Variants in ITSN1 observed in about 807,000 individuals in gnomAD.
ITSN1 encodes the protein intersectin 1, also known as intersectin-1.
A neutral mutation model predicts 239.8 loss-of-function variants in ITSN1; 58 were observed. That is an observed-to-expected ratio of 0.24 (90% CI 0.20 to 0.30). The LOEUF (loss-of-function observed/expected upper bound fraction) is 0.30, where lower values mean the gene tolerates loss of function less well. Among genes scored for constraint, ITSN1 ranks in the 10% least tolerant of loss-of-function variants. ITSN1 has a pLI of 1.00. For synonymous variants in ITSN1, 780 were observed against 770.8 expected, an observed-to-expected ratio of 1.01 and a Z score of -0.20; for missense variants, 1,558 against 2,103.3, an observed-to-expected ratio of 0.74 and a Z score of 5.07.
intron 16 of ITSN1, among the ~76,000 whole-genome samples, chr21:33,783,765 A>C (rs2070398493): frequency 6.6e-6 from 1 of 151,314 alleles, no homozygotes. Flanking sequence ...ATAAACTGTT[A>C]AATATTAAGC....
intron 1 of ITSN1, among the ~76,000 whole-genome samples, chr21:33,696,288 T>G (rs542925430): frequency 6.6e-6 from 1 of 152,318 alleles, no homozygotes; most frequent in Admixed American, 6.5e-5. Flanking sequence ...TATCAATATG[T>G]ACCTGTGCAG....
At chr21:33,705,348 T>C (rs543252206) in intron 1 of ITSN1, among the ~76,000 whole-genome samples, 3 of 152,320 alleles carry the variant, frequency 2.0e-5, no homozygotes, top group Non-Finnish European at 2.9e-5. Context: ...ATATTTAATA[T>C]GCTAGTGCTC....
chr21:33,792,993 C>T (rs557787384), intron 16 of ITSN1, among the ~76,000 whole-genome samples: 20 of 152,144 alleles, frequency 1.3e-4, no homozygotes, highest in African/African-American at 4.6e-4. Flanking sequence ...CCCCCCAGAC[C>T]CCTATCTCCA....
At chr21:33,713,018 C>T (rs559230226) in intron 1 of ITSN1, among the ~76,000 whole-genome samples, 8 of 152,062 alleles carry the variant, frequency 5.3e-5, no homozygotes, top group Admixed American at 3.3e-4. Flanking sequence ...GCTGGGATTA[C>T]GAGTGCCCAC....
Position 33,758,090 on chromosome 21 carries a change from C to T in ITSN1, c.724+2693C>T, listed in dbSNP as rs529805040. ...TCTTTAGAGGTGGGATCTTTGTTGTCCAGGCTGGTTTTGAACTCCTGACCT... is the reference window on the plus strand; with the variant it reads ...TCTTTAGAGGTGGGATCTTTGTTGTTCAGGCTGGTTTTGAACTCCTGACCT... On this transcript the variant is annotated intron_variant, in intron 8 of 39. Transcript: ENST00000381318. Among the ~76,000 whole-genome samples, 106 of 152,134 alleles carry T rather than the reference C, an allele frequency of 7.0e-4. 2 individuals are homozygous for T. The South Asian group carries it at 0.02, about 29-fold the overall frequency.
intron 1 of ITSN1, among the ~76,000 whole-genome samples, chr21:33,709,980 A>C (rs1455605358): frequency 1.2e-4 from 18 of 151,818 alleles, no homozygotes; most frequent in Admixed American, 1.2e-3. Flanking sequence ...TCAGTCTTTA[A>C]CCGTTAACTG....
chr21:33,743,110 G>A (rs897743023), intron 5 of ITSN1, among the ~76,000 whole-genome samples: 2 of 152,136 alleles, frequency 1.3e-5, no homozygotes, highest in African/African-American at 4.8e-5. Context: ...GCAACTAGAA[G>A]CAACACAGGG....
chr21:33,833,302 T>C (rs892002579), intron 27 of ITSN1, among the ~76,000 whole-genome samples: 1 of 152,062 alleles, frequency 6.6e-6, no homozygotes. Flanking sequence ...CGGTGAAAAA[T>C]GTGGCTTTAG....
intron 31 of ITSN1, among the ~76,000 whole-genome samples, chr21:33,860,753 C>T (rs1980360814): frequency 6.6e-6 from 1 of 152,190 alleles, no homozygotes; most frequent in Admixed American, 6.5e-5. Context: ...TCCGCCCAGT[C>T]CTGCCCCCGT....
At chr21:33,665,992 G>A (rs553381872) in intron 1 of ITSN1, among the ~76,000 whole-genome samples, 1 of 151,012 alleles carries the variant, frequency 6.6e-6, no homozygotes, top group East Asian at 2.0e-4. Context: ...GCAGTGGCAT[G>A]ATCTCAGCTC....
At chr21:33,743,074 G>T (rs944382065) in intron 5 of ITSN1, among the ~76,000 whole-genome samples, 1 of 152,068 alleles carries the variant, frequency 6.6e-6, no homozygotes, top group African/African-American at 2.4e-5. Flanking sequence ...AGAAATAAAA[G>T]AAAAATTCAT....
At position 33,882,628 on chromosome 21, in the gene ITSN1, G is replaced by A. The variant is rs762741470; in HGVS notation, c.4554+173G>A. ...AGTGGAGGACGATCCATATCCCGCC[G>A]CAGTGTCAGTGACACTCAGTGCTAT... On this transcript the variant is annotated intron_variant, in intron 35 of 39. Coordinates refer to ENST00000381318, the MANE Select transcript of ITSN1 (RefSeq NM_003024.3). This position sits in a 1 kb window ranked among gnomAD's most constrained non-coding sequence, Gnocchi z 4.5. Among the ~76,000 whole-genome samples, 7 of 152,130 alleles carry A rather than the reference G, an allele frequency of 4.6e-5. No homozygotes were observed. Among genetic ancestry groups the A allele is most frequent in the African/African-American group, 9.7e-5 (4 of 41,424 alleles).
rs200537972 is a variant in ITSN1, at chr21:33,878,455, C to CACAT, written c.4341+2943_4341+2946dup. ...ATACACATGTGCTTGTGCCTGTACA[C>CACAT]ACATACATACATGCATGTATGCACA... is the stretch of plus-strand genomic sequence containing the variant. On this transcript the variant is annotated intron_variant, in intron 34 of 39. Coordinates refer to ENST00000381318, the MANE Select transcript of ITSN1 (RefSeq NM_003024.3). 7.9e-3 allele frequency among the ~76,000 whole-genome samples: 1,208 copies of CACAT among 152,322 alleles called. 13 individuals are homozygous for CACAT. The highest frequency in any genetic ancestry group is 0.027 in the African/African-American group (1,123 of 41,556).
At chr21:33,831,690 A>G (rs62228974) in intron 27 of ITSN1, among the ~76,000 whole-genome samples, 55,996 of 151,962 alleles carry the variant, frequency 0.37, 11,371 homozygotes, top group Non-Finnish European at 0.46. Context: ...GCCTGAGGCC[A>G]GGACAGGAAG....
At chr21:33,805,576 C>T (rs1287389791) in intron 20 of ITSN1, among the ~76,000 whole-genome samples, 2 of 152,186 alleles carry the variant, frequency 1.3e-5, no homozygotes. Flanking sequence ...CTCCTTCATT[C>T]ACATATTGTG....
rs184495612 is a variant in ITSN1 at position 33,886,472 on chromosome 21, G to A, written c.5017+12G>A. 2.1e-4 allele frequency: 327 copies of A among 1,545,180 alleles called. No individual in the cohort carries two copies. The African/African-American group carries it at 2.8e-3, about 13-fold the overall frequency. On this transcript the variant is annotated intron_variant, in intron 39 of 39. Transcript: ENST00000381318. ...GTTCTCACCAGATGGTGAGTGGAAC[G>A]CGGCCCTGTGGTTATTCCTCCTTCC...
intron 1 of ITSN1, among the ~76,000 whole-genome samples, chr21:33,714,046 G>C (rs1316593080): frequency 6.6e-6 from 1 of 151,862 alleles, no homozygotes; most frequent in East Asian, 1.9e-4. Context: ...TAGCCAGGAT[G>C]GTCTCCATCT....
At chr21:33,713,928 G>A (rs936129861) in intron 1 of ITSN1, among the ~76,000 whole-genome samples, 3 of 140,584 alleles carry the variant, frequency 2.1e-5, no homozygotes, top group African/African-American at 5.3e-5. Flanking sequence ...TCCGGCTCTC[G>A]GGTTCAAGCA....
rs921543768 is a variant in ITSN1 at position 33,891,394 on chromosome 21, A to C, written c.*3094A>C. The C allele has an allele frequency of 3.3e-5, 5 of 152,192 alleles. No individual in the cohort carries two copies. The highest frequency in any genetic ancestry group is 9.7e-5 in the African/African-American group (4 of 41,440). 9.4% of individuals were successfully genotyped at this position (152,192 alleles called of 1,614,324 possible). On this transcript the variant is annotated 3_prime_UTR_variant, in exon 40 of 40. Transcript: ENST00000381318. ...TTGCTTTTTTTAAACAACCTAAAGT[A>C]TGACCTAAGTGTATGAAACTAACTG...
Sources: allele counts gnomAD v4.1 joint callset (sites outside exome capture counted in the v4.1 genomes callset), GRCh38; gene constraint gnomAD v4.1.1; non-coding constraint Gnocchi (gnomAD v3.1); transcripts MANE v1.5; gene names NCBI Gene and HGNC (gene_info 2026-07-23, HGNC 2026-07-21).